The following TRIQK variants were observed in gnomAD, a reference collection of about 807,000 sequenced individuals.
TRIQK encodes triple QxxK/R motif-containing protein.
A neutral mutation model predicts 10.8 loss-of-function variants in TRIQK; 10 were observed. That is an observed-to-expected ratio of 0.92 (90% CI 0.57 to 1.57). TRIQK has a LOEUF of 1.57. TRIQK is among the 40% of genes most tolerant of loss of function. The pLI, the probability that TRIQK is intolerant of heterozygous loss-of-function variation, is 0.00. For missense variants in TRIQK, 107 were observed against 97.7 expected (o/e 1.09, Z -0.40); for synonymous variants, 33 against 33.7 (o/e 0.98, Z 0.07).
intron 1 of TRIQK, among the ~76,000 whole-genome samples, chr8:92,971,787 G>A (rs984878173): frequency 6.6e-6 from 1 of 152,148 alleles, no homozygotes; most frequent in Non-Finnish European, 1.5e-5. Context: ...CACAGAATTA[G>A]AGAAAACTAC....
At chr8:92,993,048 A>G (rs1452865318) in intron 1 of TRIQK, among the ~76,000 whole-genome samples, 1 of 152,182 alleles carries the variant, frequency 6.6e-6, no homozygotes, top group African/African-American at 2.4e-5. Context: ...AGCCATCAAT[A>G]TCCTGAATTC....
chr8:92,895,973 C>A (rs981736543), intron 3 of TRIQK, among the ~76,000 whole-genome samples: 2 of 152,004 alleles, frequency 1.3e-5, no homozygotes, highest in African/African-American at 4.8e-5. Flanking sequence ...ACCAAGCAAC[C>A]CTTTGCTAAA....
intron 1 of TRIQK, among the ~76,000 whole-genome samples, chr8:92,962,362 G>A (rs1042362885): frequency 2.0e-5 from 3 of 152,116 alleles, no homozygotes; most frequent in African/African-American, 7.2e-5. Flanking sequence ...GAGAAAGCTG[G>A]CTGAGTTTCG....
At position 92,916,917 on chromosome 8, in the gene TRIQK, T is replaced by C. The variant is rs1326247073; in HGVS notation, c.61+12A>G. 7 of 1,456,492 alleles carry C rather than the reference T, an allele frequency of 4.8e-6. No individual in the cohort carries two copies. The allele number at this position is 1,456,492 out of a possible 1,614,324, so 90.2% of individuals were successfully genotyped here. On this transcript the variant is annotated intron_variant, in intron 3 of 4. Transcript: ENST00000521988. ...ATTAATAGGAGTGTATCAAAGATAATTCATTGCTTACCAATTTGTTTTCTG... is the reference window on the plus strand; with the variant it reads ...ATTAATAGGAGTGTATCAAAGATAACTCATTGCTTACCAATTTGTTTTCTG...
intron 1 of TRIQK, among the ~76,000 whole-genome samples, chr8:92,962,363 C>CT (rs1812503885): frequency 6.6e-6 from 1 of 152,096 alleles, no homozygotes; most frequent in Admixed American, 6.5e-5. Context: ...AGAAAGCTGG[C>CT]TGAGTTTCGC....
chr8:92,943,576 G>C (rs1363921473), intron 2 of TRIQK, among the ~76,000 whole-genome samples: 1 of 152,154 alleles, frequency 6.6e-6, no homozygotes, highest in Non-Finnish European at 1.5e-5. Context: ...AATAGAAAAA[G>C]AACAGTCTCT....
At chr8:92,961,213 A>G (rs910822078) in intron 1 of TRIQK, among the ~76,000 whole-genome samples, 1 of 152,164 alleles carries the variant, frequency 6.6e-6, no homozygotes, top group African/African-American at 2.4e-5. Flanking sequence ...ATATTTTAGC[A>G]CTGAAAAAAC....
At chr8:92,936,610 A>G (rs1394169344) in intron 2 of TRIQK, among the ~76,000 whole-genome samples, 1 of 151,742 alleles carries the variant, frequency 6.6e-6, no homozygotes, top group Non-Finnish European at 1.5e-5. Flanking sequence ...TTTAAAAATC[A>G]TAAGCAAGAC....
chr8:92,967,723 G>T (rs1187561690), upstream of TRIQK, among the ~76,000 whole-genome samples: 1 of 150,804 alleles, frequency 6.6e-6, no homozygotes, highest in Non-Finnish European at 1.5e-5. Flanking sequence ...TCAGGAGCCT[G>T]AGGCAGGAGA....
At chr8:92,954,108 T>C (rs913740012) in intron 2 of TRIQK, 1 of 151,982 alleles carries the variant, frequency 6.6e-6, no homozygotes, top group African/African-American at 2.4e-5. Context: ...AAGCATTTAA[T>C]GTAGCAACAA....
intron 1 of TRIQK, chr8:92,965,367 A>G (rs1433854296): frequency 6.6e-6 from 1 of 152,326 alleles, no homozygotes; most frequent in Admixed American, 6.5e-5. Flanking sequence ...GCTCCAAGAA[A>G]AATACCCCCG....
intron 3 of TRIQK, among the ~76,000 whole-genome samples, chr8:92,904,597 G>A (rs1463005169): frequency 2.0e-5 from 3 of 152,048 alleles, no homozygotes; most frequent in Non-Finnish European, 4.4e-5. Flanking sequence ...ATTTTTCTCA[G>A]GCCTGATCAC....
chr8:92,956,873 C>T (rs146873380), intron 1 of TRIQK, among the ~76,000 whole-genome samples: 2 of 151,822 alleles, frequency 1.3e-5, no homozygotes, highest in East Asian at 3.9e-4. Flanking sequence ...TTGTTGGGAG[C>T]CTTATTAATG....
chr8:92,960,906 C>G (rs1438326052), intron 1 of TRIQK, among the ~76,000 whole-genome samples: 1 of 152,170 alleles, frequency 6.6e-6, no homozygotes, highest in African/African-American at 2.4e-5. Context: ...AGGAACAAAA[C>G]TGATACGGCT....
intron 1 of TRIQK, among the ~76,000 whole-genome samples, chr8:92,986,090 T>G (rs1563672944): frequency 6.6e-6 from 1 of 152,096 alleles, no homozygotes; most frequent in African/African-American, 2.4e-5. Flanking sequence ...ACCAGTTGAG[T>G]GATTTGAATG....
At chr8:92,887,421 T>A (rs970333158) in intron 4 of TRIQK, among the ~76,000 whole-genome samples, 4 of 151,624 alleles carry the variant, frequency 2.6e-5, no homozygotes, top group Middle Eastern at 3.4e-3. Flanking sequence ...ATTAAATTAA[T>A]CAACTATATT....
chr8:92,943,634 A>T (rs1273589492), intron 2 of TRIQK, among the ~76,000 whole-genome samples: 1 of 152,244 alleles, frequency 6.6e-6, no homozygotes, highest in Non-Finnish European at 1.5e-5. Context: ...CAGAAGAATG[A>T]AGCTAGATTC....
In TRIQK at chr8:92,885,229, T is replaced by C. The variant is rs991401227; in HGVS notation, c.*1393A>G. On this transcript the variant is annotated 3_prime_UTR_variant, in exon 5 of 5. Transcript: ENST00000521988. Reference sequence around the variant, plus strand: ...TTCTACAGAACATAATGCTACACAGTCACAGTCGACTTTTTGCAAAAGTAC... The same window carrying C: ...TTCTACAGAACATAATGCTACACAGCCACAGTCGACTTTTTGCAAAAGTAC... 1.2e-5 allele frequency: 4 copies of C among 326,452 alleles called. No individual in the cohort carries two copies. Among genetic ancestry groups the C allele is most frequent in the African/African-American group, 4.3e-5 (2 of 46,204 alleles). The allele number at this position is 326,452 out of a possible 1,614,324, so 20.2% of individuals were successfully genotyped here. A position where few individuals can be genotyped will look rare whatever the true frequency, so the allele number is the denominator to read the frequency against.
At chr8:92,904,885 A>T (rs1311692785) in intron 3 of TRIQK, among the ~76,000 whole-genome samples, 4 of 152,172 alleles carry the variant, frequency 2.6e-5, no homozygotes, top group African/African-American at 9.7e-5. Context: ...AGTCTAATTT[A>T]TGGAGGTCTG....
Sources: gnomAD v4.1 joint callset for allele counts (sites outside exome capture counted in the v4.1 genomes callset) on GRCh38, gnomAD v4.1.1 for gene constraint, MANE v1.5 for transcripts, NCBI Gene and HGNC (gene_info 2026-07-23, HGNC 2026-07-21) for gene names.